SPAG17: variants seen among roughly 807,000 people sequenced by gnomAD.
SPAG17 encodes sperm-associated antigen 17.
SPAG17 carries 169 observed loss-of-function variants against 273.6 expected under a neutral mutation model. The ratio of observed to expected loss-of-function variants is 0.62; its 90% CI spans 0.55 to 0.70. The LOEUF (loss-of-function observed/expected upper bound fraction) is 0.70. Ranked by LOEUF, SPAG17 falls within the 30% of genes least tolerant of loss-of-function variation. The probability of loss-of-function intolerance (pLI) is 0.00; values close to 1 mark genes in which losing one functional copy is unlikely to be tolerated. For synonymous variants in SPAG17, 825 were observed against 873.2 expected (o/e 0.94, Z 0.97); for missense variants, 2,557 against 2,627.8 (o/e 0.97, Z 0.59).
At chr1:118,009,740 T>C (rs1659278869) in intron 30 of SPAG17, among the ~76,000 whole-genome samples, 1 of 152,122 alleles carries the variant, frequency 6.6e-6, no homozygotes, top group African/African-American at 2.4e-5. Context: ...CCCATCTCTG[T>C]TGAGATAATG....
intron 28 of SPAG17, among the ~76,000 whole-genome samples, chr1:118,017,137 C>T (rs1300330715): frequency 2.6e-5 from 4 of 152,058 alleles, no homozygotes; most frequent in Non-Finnish European, 4.4e-5. Flanking sequence ...TTTCATTGCC[C>T]TAAAATTTGA....
chr1:118,151,092 G>A, intron 2 of SPAG17, 137 bp downstream of exon 2: 1 of 676,326 alleles, frequency 1.5e-6, no homozygotes, highest in South Asian at 6.6e-5. Flanking sequence ...AATTTATTCT[G>A]GCTAAATAGT....
At chr1:118,049,720 A>G (rs1227000903) in intron 20 of SPAG17, among the ~76,000 whole-genome samples, 1 of 152,174 alleles carries the variant, frequency 6.6e-6, no homozygotes, top group Non-Finnish European at 1.5e-5. Context: ...TGCCAACACA[A>G]TCTTGAGGAA....
chr1:117,970,097 G>A lies in SPAG17; in HGVS notation c.6346C>T (p.Pro2116Ser), dbSNP rs1262909398. ...DFCRFKVKQP[P>S]PSTGLKVTYK... The stretch of plus-strand genomic sequence containing the variant: ...GTCACTTTCAGTCCTGTGCTGGGTG[G>A]GGGCTGCTTTACTTTAAACCTACAA... Residue 2116 changes from proline (P) to serine (S), a missense_variant, in exon 46 of 49, where the codon CCA becomes TCA. Pro to Ser is a moderately conservative substitution (Grantham distance 74). Coordinates refer to ENST00000336338, the MANE Select transcript of SPAG17 (RefSeq NM_206996.4). The A allele has an allele frequency of 6.2e-7, 1 of 1,612,986 alleles. No individual in the cohort carries two copies. The highest frequency in any genetic ancestry group is 8.5e-7 in the Non-Finnish European group (1 of 1,179,636).
At chr1:118,138,193 CT>C (rs919305691) in intron 3 of SPAG17, among the ~76,000 whole-genome samples, 4 of 152,160 alleles carry the variant, frequency 2.6e-5, no homozygotes, top group Non-Finnish European at 1.5e-5. Context: ...AAATATACAG[CT>C]TTTATATCTG....
intron 43 of SPAG17, 60 bp from the exon 44 acceptor site, chr1:117,973,621 T>G: frequency 6.5e-7 from 1 of 1,537,620 alleles, no homozygotes; most frequent in Non-Finnish European, 8.8e-7. Flanking sequence ...ACATTTGAAG[T>G]AATATCAGAA....
At chr1:118,106,479 C>G (rs989653272) in intron 4 of SPAG17, among the ~76,000 whole-genome samples, 1 of 152,098 alleles carries the variant, frequency 6.6e-6, no homozygotes, top group Non-Finnish European at 1.5e-5. Flanking sequence ...GTGCAGTTGG[C>G]CTGGAAGCAC....
At chr1:118,012,715 G>A (rs940619753) in intron 29 of SPAG17, among the ~76,000 whole-genome samples, 6 of 152,310 alleles carry the variant, frequency 3.9e-5, no homozygotes, top group African/African-American at 9.6e-5. Flanking sequence ...TGGAAACTAC[G>A]GAGTAATGAT....
Position 118,054,097 on chromosome 1 carries a change from T to C in SPAG17, c.2723-4A>G. The C allele has an allele frequency of 6.3e-7, 1 of 1,576,792 alleles. No individual in the cohort carries two copies. The highest frequency in any genetic ancestry group is 8.7e-7 in the Non-Finnish European group (1 of 1,152,174). On this transcript the variant is annotated splice_polypyrimidine_tract_variant and splice_region_variant and intron_variant, in intron 19 of 48. Coordinates refer to ENST00000336338, the MANE Select transcript of SPAG17 (RefSeq NM_206996.4). Reference sequence around the variant, plus strand: ...GTTTTGCTGATTCCTTTGTTACCTATAATCAGATAAAATTAAACTTCTTAG... The same window carrying C: ...GTTTTGCTGATTCCTTTGTTACCTACAATCAGATAAAATTAAACTTCTTAG...
intron 17 of SPAG17, among the ~76,000 whole-genome samples, chr1:118,071,758 A>G (rs896257025): frequency 1.3e-5 from 2 of 152,216 alleles, no homozygotes; most frequent in Admixed American, 1.3e-4. Context: ...TAAGAAATGA[A>G]TGGAAATTGA....
chr1:118,074,738 C>G, intron 15 of SPAG17, 138 bp from the exon 16 acceptor site: 1 of 734,874 alleles, frequency 1.4e-6, no homozygotes, highest in South Asian at 1.7e-5. Flanking sequence ...ATGTTTTGTG[C>G]CTCCAGAAAG....
chr1:118,132,605 A>G (rs1658114428), intron 3 of SPAG17, among the ~76,000 whole-genome samples: 1 of 152,154 alleles, frequency 6.6e-6, no homozygotes, highest in African/African-American at 2.4e-5. Context: ...ATGGTAAACT[A>G]CACCTAGTAC....
chr1:118,086,331 A>G (rs1309883350), intron 12 of SPAG17, among the ~76,000 whole-genome samples: 1 of 152,142 alleles, frequency 6.6e-6, no homozygotes, highest in African/African-American at 2.4e-5. Context: ...ATATATATTC[A>G]TCTCTCTCTT....
intron 10 of SPAG17, among the ~76,000 whole-genome samples, chr1:118,089,117 A>G (rs1655200928): frequency 6.6e-6 from 1 of 152,146 alleles, no homozygotes; most frequent in Admixed American, 6.5e-5. Context: ...TGATAAGAAA[A>G]TAAAACAAGG....
rs1363677255 is a variant in SPAG17, at chr1:118,085,925, T to C, written c.1759A>G (p.Ser587Gly). The C allele has an allele frequency of 1.9e-6, 3 of 1,601,200 alleles. No homozygotes were observed. The highest frequency in any genetic ancestry group is 1.7e-4 in the Middle Eastern group (1 of 6,048). ...TAAGACAAAGCAATGGACTCACCAC[T>C]CGTACAAAAGTGCATAAGCTCATGA... ...TIHELMHFCT[S>G]DVLSWNEVER... is the part of the protein sequence containing the mutation. Residue 587 changes from serine to glycine, a missense_variant, in exon 13 of 49, where the codon AGT becomes GGT. Ser to Gly is a moderately conservative substitution (Grantham distance 56, BLOSUM62 0). Transcript: ENST00000336338.
intron 28 of SPAG17, among the ~76,000 whole-genome samples, chr1:118,018,945 G>A (rs1660233838): frequency 6.7e-6 from 1 of 149,946 alleles, no homozygotes; most frequent in South Asian, 2.1e-4. Flanking sequence ...TGAGATGGGA[G>A]GATTTCTTGG....
chr1:118,030,570 T>A (rs143496170), intron 25 of SPAG17, among the ~76,000 whole-genome samples: 2 of 152,252 alleles, frequency 1.3e-5, no homozygotes, highest in African/African-American at 4.8e-5. Flanking sequence ...TAGGTATTTG[T>A]CCTAATGCTC....
chr1:118,112,625 T>C (rs933978984), intron 4 of SPAG17, among the ~76,000 whole-genome samples: 2 of 152,122 alleles, frequency 1.3e-5, no homozygotes, highest in African/African-American at 2.4e-5. Flanking sequence ...ATGATATTTA[T>C]ATTTGGAGTT....
intron 47 of SPAG17, 39 bp downstream of exon 47, chr1:117,966,570 C>T (rs369312487): frequency 1.3e-5 from 19 of 1,468,376 alleles, no homozygotes; most frequent in Non-Finnish European, 1.6e-5. Context: ...GTAATTTCTG[C>T]ACTATATATG....
Sources: allele counts gnomAD v4.1 joint callset (sites outside exome capture counted in the v4.1 genomes callset), GRCh38; gene constraint gnomAD v4.1.1; transcripts MANE v1.5; gene names NCBI Gene and HGNC (gene_info 2026-07-23, HGNC 2026-07-21).